PDZD8: variants seen among roughly 807,000 people sequenced by gnomAD.
The protein encoded by PDZD8 is PDZ domain-containing protein 8.
PDZD8 carries 14 observed loss-of-function variants against 85.8 expected under a neutral mutation model. The ratio of observed to expected loss-of-function variants is 0.16; its 90% CI spans 0.11 to 0.26. The LOEUF (loss-of-function observed/expected upper bound fraction) is 0.26, where lower values mean the gene tolerates loss of function less well. Among genes scored for constraint, PDZD8 ranks in the 10% least tolerant of loss-of-function variants. PDZD8 has a pLI of 1.00. For synonymous variants in PDZD8, 592 were observed against 568.6 expected, an observed-to-expected ratio of 1.04 and a Z score of -0.59; for missense variants, 1,197 against 1,424.3, an observed-to-expected ratio of 0.84 and a Z score of 2.57.
chr10:117,348,012 T>TA (rs1844738890), intron 1 of PDZD8, among the ~76,000 whole-genome samples: 2 of 152,226 alleles, frequency 1.3e-5, no homozygotes, highest in Admixed American at 1.3e-4. Flanking sequence ...AAAAATGTTC[T>TA]AAAACTGACT....
chr10:117,317,132 G>A (rs1038894216), intron 3 of PDZD8, among the ~76,000 whole-genome samples: 14 of 152,078 alleles, frequency 9.2e-5, no homozygotes, highest in Non-Finnish European at 1.9e-4. Context: ...CAGGAATTAA[G>A]TTTCTTTTAT....
At chr10:117,366,335 GTTTTCTGCAGAAA>G (rs974900072) in intron 1 of PDZD8, among the ~76,000 whole-genome samples, 2 of 152,216 alleles carry the variant, frequency 1.3e-5, no homozygotes, top group African/African-American at 4.8e-5. Flanking sequence ...CAGAAAATTT[GTTTTCTGCAGAAA>G]TTTTCTGCAG....
Position 117,333,133 on chromosome 10 carries a change from A to C in PDZD8, c.995+7847T>G, listed in dbSNP as rs1043147073. Reference sequence around the variant, plus strand: ...ACTCTGTCTCAAAAAAAAAAAAAAAAAAAAAAAAAAGGGGATATGGAGGCA... The same window carrying C: ...ACTCTGTCTCAAAAAAAAAAAAAAACAAAAAAAAAAGGGGATATGGAGGCA... On this transcript the variant is annotated intron_variant, in intron 2 of 4. Transcript: ENST00000334464. 2.0e-5 allele frequency among the ~76,000 whole-genome samples: 3 copies of C among 149,366 alleles called. 1 individual carries two copies.
At chr10:117,373,824 A>G (rs975535804) in intron 1 of PDZD8, among the ~76,000 whole-genome samples, 3 of 152,092 alleles carry the variant, frequency 2.0e-5, no homozygotes, top group African/African-American at 7.2e-5. Flanking sequence ...CCTTTGCAAG[A>G]GTTACCACCT....
chr10:117,374,816 G>T lies in PDZD8; in HGVS notation c.412C>A (p.Arg138Ser), dbSNP rs1197473325. ...EELLQTKTAG[R>S]LLEGLSLRDV... ...CGCAGGCTCAGCCCCTCCAGCAGGC[G>T]CCCGGCCGTCTTGGTCTGCAGCAGC... Residue 138 changes from arginine to serine, a missense_variant, in exon 1 of 5, where the codon CGC (arginine) becomes AGC (serine). Coordinates refer to ENST00000334464, the MANE Select transcript of PDZD8 (RefSeq NM_173791.5). The surrounding 1 kb of genome is among the most constrained non-coding windows in gnomAD (Gnocchi z 7.8). The T allele has an allele frequency of 6.2e-7, 1 of 1,613,390 alleles. No homozygotes were observed. The highest frequency in any genetic ancestry group is 8.5e-7 in the Non-Finnish European group (1 of 1,179,900).
At chr10:117,340,656 CATT>C (rs910059355) in intron 2 of PDZD8, among the ~76,000 whole-genome samples, 7 of 152,136 alleles carry the variant, frequency 4.6e-5, no homozygotes, top group African/African-American at 1.7e-4. Flanking sequence ...TAATAAGTAT[CATT>C]GAGTAATTTT....
chr10:117,334,106 A>AT (rs1356083125), intron 2 of PDZD8, among the ~76,000 whole-genome samples: 8 of 152,186 alleles, frequency 5.3e-5, no homozygotes, highest in Admixed American at 5.2e-4. Context: ...GATAAACAAA[A>AT]TTTTTTATCA....
chr10:117,300,802 G>A (rs1843834321), intron 3 of PDZD8, among the ~76,000 whole-genome samples: 1 of 152,118 alleles, frequency 6.6e-6, no homozygotes, highest in African/African-American at 2.4e-5. Context: ...TCTGCCATGT[G>A]AGGACATAGG....
chr10:117,364,492 C>T (rs1048296863), intron 1 of PDZD8, among the ~76,000 whole-genome samples: 3 of 151,876 alleles, frequency 2.0e-5, no homozygotes, highest in Non-Finnish European at 2.9e-5. Context: ...CACACACACA[C>T]GCATATTTCC....
At chr10:117,314,551 G>C (rs1006426072) in intron 3 of PDZD8, among the ~76,000 whole-genome samples, 2 of 152,194 alleles carry the variant, frequency 1.3e-5, no homozygotes, top group African/African-American at 4.8e-5. Flanking sequence ...TTTCAGGGAT[G>C]CATCACTTCT....
intron 1 of PDZD8, among the ~76,000 whole-genome samples, chr10:117,351,948 G>A (rs555450580): frequency 1.3e-5 from 2 of 151,986 alleles, no homozygotes; most frequent in Admixed American, 6.6e-5. Context: ...CAAAGTGTTG[G>A]GATTCTAGGA....
chr10:117,360,158 G>A (rs1414194087), intron 1 of PDZD8, among the ~76,000 whole-genome samples: 5 of 152,202 alleles, frequency 3.3e-5, no homozygotes, highest in African/African-American at 9.6e-5. Flanking sequence ...AATCAAGGCT[G>A]CAGGTCCCTC....
intron 1 of PDZD8, among the ~76,000 whole-genome samples, chr10:117,373,474 C>T (rs1297653007): frequency 2.6e-5 from 4 of 151,912 alleles, no homozygotes; most frequent in Non-Finnish European, 5.9e-5. Flanking sequence ...AAAGTATTCC[C>T]GGGCCGGGCG....
intron 1 of PDZD8, among the ~76,000 whole-genome samples, chr10:117,343,346 A>G (rs1350236509): frequency 6.6e-6 from 1 of 151,894 alleles, no homozygotes; most frequent in East Asian, 1.9e-4. Context: ...TATGGAAAGC[A>G]GAAAGCCCCC....
Position 117,284,338 on chromosome 10 carries a change from C to T in PDZD8, c.2395G>A (p.Gly799Arg). The T allele has an allele frequency of 6.2e-7, 1 of 1,614,106 alleles. No homozygotes were observed. The highest frequency in any genetic ancestry group is 1.1e-5 in the South Asian group (1 of 91,076). The stretch of plus-strand genomic sequence containing the variant: ...GTAACTACATGGTGGTCTGATTCTC[C>T]TTCTTTCAAATATTTGAAGTGAATA... ...ITIHFKYLKE[G>R]ESDHHVVTNV... Residue 799 changes from glycine to arginine, a missense_variant, in exon 5 of 5, where the codon GGA becomes AGA. By Grantham distance (125) the Gly-to-Arg change is moderately radical (BLOSUM62 -2). Coordinates refer to ENST00000334464, the MANE Select transcript of PDZD8 (RefSeq NM_173791.5).
At chr10:117,292,581 T>C (rs1490614084) in intron 3 of PDZD8, among the ~76,000 whole-genome samples, 1 of 80,366 alleles carries the variant, frequency 1.2e-5, no homozygotes, top group Non-Finnish European at 2.8e-5. Context: ...GGAATGTGTT[T>C]TTTTTTTTTG....
intron 3 of PDZD8, among the ~76,000 whole-genome samples, chr10:117,291,988 A>G (rs1844775860): frequency 6.6e-6 from 1 of 152,152 alleles, no homozygotes; most frequent in Non-Finnish European, 1.5e-5. Context: ...CCTATTCTTC[A>G]AGGATATCTC....
chr10:117,313,539 C>T (rs1185555383), intron 3 of PDZD8, among the ~76,000 whole-genome samples: 1 of 152,136 alleles, frequency 6.6e-6, no homozygotes, highest in Non-Finnish European at 1.5e-5. Context: ...ACCTGATCAT[C>T]CTTACCCTGT....
chr10:117,348,936 G>A (rs1844753518), intron 1 of PDZD8, among the ~76,000 whole-genome samples: 1 of 152,120 alleles, frequency 6.6e-6, no homozygotes, highest in Non-Finnish European at 1.5e-5. Flanking sequence ...GAGGCTCATG[G>A]TTTTACATAC....
Sources: allele counts gnomAD v4.1 joint callset (sites outside exome capture counted in the v4.1 genomes callset), GRCh38; gene constraint gnomAD v4.1.1; non-coding constraint Gnocchi (gnomAD v3.1); transcripts MANE v1.5; gene names NCBI Gene and HGNC (gene_info 2026-07-23, HGNC 2026-07-21).